The following GLIS3 variants were observed in gnomAD, a reference collection of about 807,000 sequenced individuals.
GLIS3 encodes GLIS family zinc finger 3, also known as zinc finger protein GLIS3.
Under a neutral mutation model 78.6 loss-of-function variants are expected in GLIS3, and 53 were observed. The ratio of observed to expected loss-of-function variants is 0.67; its 90% CI spans 0.54 to 0.85. The LOEUF is 0.85. GLIS3 is among the 40% of genes least tolerant of loss of function. GLIS3 has a pLI of 0.00. For synonymous variants in GLIS3, 684 were observed against 509.9 expected (o/e 1.34, Z -4.60); for missense variants, 1,703 against 1,231.1 (o/e 1.38, Z -5.74).
chr9:3,956,407 C>T (rs1307149913), intron 4 of GLIS3, among the ~76,000 whole-genome samples: 1 of 152,156 alleles, frequency 6.6e-6, no homozygotes, highest in Non-Finnish European at 1.5e-5. Context: ...GGACAGAAGC[C>T]TTCAGATCAC....
the GLIS3 span, among the ~76,000 whole-genome samples, chr9:4,438,072 A>T: frequency 2.0e-5 from 3 of 152,208 alleles, no homozygotes. Flanking sequence ...TTCAATGGTC[A>T]GCTGTAGTTG....
intron 2 of GLIS3, among the ~76,000 whole-genome samples, chr9:4,134,314 C>T (rs1462724753): frequency 6.6e-6 from 1 of 152,180 alleles, no homozygotes; most frequent in Non-Finnish European, 1.5e-5. Context: ...ACTGGCAAGG[C>T]TTCCTTTAAT....
In GLIS3 at chr9:3,897,197, C is replaced by T. The variant is rs184697833; in HGVS notation, c.2128+1494G>A. Among the ~76,000 whole-genome samples, 7 of 152,276 alleles carry T rather than the reference C, an allele frequency of 4.6e-5. No individual in the cohort carries two copies. In the East Asian group the frequency reaches 1.4e-3, roughly 29 times the overall value. On this transcript the variant is annotated intron_variant, in intron 7 of 10. Transcript: ENST00000381971. ...TAAATACAGCCAGACTAGCCCATCA[C>T]TAGAAACCATTTATATTGTATGTTA...
chr9:4,103,838 G>A (rs950922907), intron 4 of GLIS3, among the ~76,000 whole-genome samples: 3 of 152,134 alleles, frequency 2.0e-5, no homozygotes, highest in African/African-American at 2.4e-5. Flanking sequence ...TTGATGGCAG[G>A]CTAACTTGGA....
chr9:4,409,359 T>C, the GLIS3 span, among the ~76,000 whole-genome samples: 1 of 152,214 alleles, frequency 6.6e-6, no homozygotes, highest in African/African-American at 2.4e-5. Context: ...GACGTCAGAA[T>C]AATGTTCTCC....
At chr9:4,300,176 A>C (rs1319356849), upstream of GLIS3, among the ~76,000 whole-genome samples, 1 of 150,066 alleles carries the variant, frequency 6.7e-6, no homozygotes, top group Non-Finnish European at 1.5e-5. Context: ...GGCCAATTCG[A>C]AGGCCGAGCT....
intron 7 of GLIS3, among the ~76,000 whole-genome samples, chr9:3,882,647 C>T (rs1473394535): frequency 6.6e-6 from 1 of 152,108 alleles, no homozygotes; most frequent in East Asian, 1.9e-4. Context: ...GTTGACTGAC[C>T]ACCAGTCAAG....
intron 4 of GLIS3, among the ~76,000 whole-genome samples, chr9:4,052,942 TTTAG>T (rs1825843166): frequency 6.8e-6 from 1 of 147,560 alleles, no homozygotes; most frequent in South Asian, 2.1e-4. Flanking sequence ...TCATGTTTAA[TTTAG>T]TATTTTAATT....
At chr9:4,453,699 G>A in the GLIS3 span, among the ~76,000 whole-genome samples, 6 of 152,128 alleles carry the variant, frequency 3.9e-5, no homozygotes, top group Admixed American at 6.5e-5. Context: ...TCCTTTGCAG[G>A]GACATGGATG....
Position 4,210,235 on chromosome 9 carries a change from T to C in GLIS3, c.388+75803A>G, listed in dbSNP as rs146643767. Among the ~76,000 whole-genome samples, 519 of 152,380 alleles carry C rather than the reference T, an allele frequency of 3.4e-3. 2 individuals are homozygous for C. The highest frequency in any genetic ancestry group is 0.011 in the African/African-American group (472 of 41,596). Reference sequence around the variant, plus strand: ...AAACATCAGAAAGTACCTATTATGATAGTTTTGCAATATGTAAAGGATTTG... The same window carrying C: ...AAACATCAGAAAGTACCTATTATGACAGTTTTGCAATATGTAAAGGATTTG... On this transcript the variant is annotated intron_variant, in intron 2 of 10. Coordinates refer to ENST00000381971, the MANE Select transcript of GLIS3 (RefSeq NM_001042413.2).
At chr9:4,186,089 T>C (rs560261647) in intron 2 of GLIS3, among the ~76,000 whole-genome samples, 4 of 152,072 alleles carry the variant, frequency 2.6e-5, no homozygotes, top group East Asian at 1.9e-4. Context: ...CATGCTGGTG[T>C]GCTGCACACA....
chr9:4,154,927 A>G (rs1834941557), intron 2 of GLIS3, among the ~76,000 whole-genome samples: 2 of 152,244 alleles, frequency 1.3e-5, no homozygotes, highest in Admixed American at 1.3e-4. Context: ...CGTATACATA[A>G]AAAATGTCTG....
chr9:4,413,149 T>C, the GLIS3 span, among the ~76,000 whole-genome samples: 12 of 152,310 alleles, frequency 7.9e-5, no homozygotes, highest in East Asian at 1.3e-3. Flanking sequence ...GTGTGCCAAA[T>C]AGAGTAAGAC....
chr9:3,933,704 A>G (rs1352280055), intron 5 of GLIS3, among the ~76,000 whole-genome samples: 1 of 152,194 alleles, frequency 6.6e-6, no homozygotes, highest in Non-Finnish European at 1.5e-5. Flanking sequence ...AAAACAAACA[A>G]ACAAACAAAC....
chr9:4,470,162 T>A, the GLIS3 span, among the ~76,000 whole-genome samples: 167 of 152,320 alleles, frequency 1.1e-3, no homozygotes, highest in African/African-American at 3.9e-3. Flanking sequence ...CACAGCCGAA[T>A]TCTACCAGAG....
intron 2 of GLIS3, among the ~76,000 whole-genome samples, chr9:4,127,548 A>G (rs1371624763): frequency 6.6e-6 from 1 of 152,196 alleles, no homozygotes; most frequent in Non-Finnish European, 1.5e-5. Context: ...AATAGTAGGT[A>G]CACTTTTATG....
chr9:4,196,620 C>A (rs897833219), intron 2 of GLIS3, among the ~76,000 whole-genome samples: 2 of 152,162 alleles, frequency 1.3e-5, no homozygotes, highest in African/African-American at 4.8e-5. Flanking sequence ...AGGTATGCAG[C>A]TTCACTCCTG....
chr9:4,154,610 G>GATAAAC (rs148299327), intron 2 of GLIS3, among the ~76,000 whole-genome samples: 3 of 31,338 alleles, frequency 9.6e-5, no homozygotes, highest in African/African-American at 2.6e-4. Context: ...GCGAATCAAT[G>GATAAAC]ATAAACATTC....
chr9:3,989,268 G>T (rs1425351897), intron 4 of GLIS3, among the ~76,000 whole-genome samples: 4 of 152,128 alleles, frequency 2.6e-5, no homozygotes, highest in African/African-American at 9.7e-5. Context: ...GCAAAGATGT[G>T]AAGAAACTGG....
Sources: gnomAD v4.1 joint callset for allele counts (sites outside exome capture counted in the v4.1 genomes callset) on GRCh38, gnomAD v4.1.1 for gene constraint, MANE v1.5 for transcripts, NCBI Gene and HGNC (gene_info 2026-07-23, HGNC 2026-07-21) for gene names.